The following SLC12A8 variants were observed in gnomAD, a reference collection of about 807,000 sequenced individuals.
The protein encoded by SLC12A8 is cation-chloride cotransporter 9.
A neutral mutation model predicts 75.6 loss-of-function variants in SLC12A8; 69 were observed. That is an observed-to-expected ratio of 0.91 (90% CI 0.75 to 1.11). The LOEUF (loss-of-function observed/expected upper bound fraction) is 1.11, where lower values mean the gene tolerates loss of function less well. SLC12A8 is among the 50% of genes most tolerant of loss of function. SLC12A8 has a pLI of 0.00. For missense variants in SLC12A8, 877 were observed against 896.7 expected, an observed-to-expected ratio of 0.98 and a Z score of 0.28; for synonymous variants, 365 against 372.8, an observed-to-expected ratio of 0.98 and a Z score of 0.24.
At chr3:125,139,365 G>C (rs573843956) in intron 5 of SLC12A8, among the ~76,000 whole-genome samples, 1 of 152,166 alleles carries the variant, frequency 6.6e-6, no homozygotes, top group Non-Finnish European at 1.5e-5. Flanking sequence ...TGGATCTGGT[G>C]GCCCATCCCT....
intron 10 of SLC12A8, among the ~76,000 whole-genome samples, chr3:125,102,322 T>G (rs1386123948): frequency 3.9e-5 from 6 of 152,132 alleles, no homozygotes; most frequent in Non-Finnish European, 8.8e-5. Flanking sequence ...GACATCAGTT[T>G]GGGTGAAAGC....
intron 5 of SLC12A8, among the ~76,000 whole-genome samples, chr3:125,144,457 C>A (rs1465719118): frequency 1.3e-5 from 2 of 152,100 alleles, no homozygotes; most frequent in African/African-American, 4.8e-5. Context: ...GGGACCTGGC[C>A]CCAGCCCAGC....
At chr3:125,182,623 C>G (rs1014916631) in intron 4 of SLC12A8, among the ~76,000 whole-genome samples, 5 of 152,004 alleles carry the variant, frequency 3.3e-5, no homozygotes, top group South Asian at 4.2e-4. Flanking sequence ...TCTCCTGCCT[C>G]AGACTCCCGA....
In SLC12A8 at chr3:125,085,281, G is replaced by C. The variant is rs116126441; in HGVS notation, c.1983-1229C>G. Among the ~76,000 whole-genome samples the C allele has an allele frequency of 1.1e-4, 16 of 152,232 alleles. No individual in the cohort carries two copies. In the East Asian group the frequency reaches 2.9e-3, roughly 28 times the overall value. On this transcript the variant is annotated intron_variant, in intron 13 of 13. Coordinates refer to ENST00000469902, the MANE Select transcript of SLC12A8 (RefSeq NM_024628.6). ...AAACCATTACATTCTTCTGAGTCTG[G>C]AGAAGTAAAATACTTCACTCTCTAG...
chr3:125,103,123 C>G (rs913918213), intron 10 of SLC12A8, among the ~76,000 whole-genome samples: 4 of 152,136 alleles, frequency 2.6e-5, no homozygotes, highest in Non-Finnish European at 5.9e-5. Context: ...AAACTTGGCA[C>G]AGCAGGCACA....
chr3:125,089,688 C>CTTT (rs752856308), intron 12 of SLC12A8, among the ~76,000 whole-genome samples: 3 of 37,280 alleles, frequency 8.0e-5, no homozygotes, highest in Admixed American at 3.0e-4. Context: ...ACCTTTTTCT[C>CTTT]TTTTTTTTTT....
intron 10 of SLC12A8, among the ~76,000 whole-genome samples, chr3:125,093,389 C>T (rs1013098031): frequency 1.9e-4 from 29 of 152,260 alleles, no homozygotes; most frequent in African/African-American, 6.7e-4. Flanking sequence ...TCTGCCCAGC[C>T]CTTCCTTCTT....
rs375807289 is a variant in SLC12A8 at position 125,187,163 on chromosome 3, G to T, written c.390+74C>A. On this transcript the variant is annotated intron_variant, in intron 4 of 13. Transcript: ENST00000469902. Reference sequence around the variant, plus strand: ...TGTCCCCACCCTCGCTTCTCCCCAGGTCAAGTGAGGAAATGGACAAGAAGA... The same window carrying T: ...TGTCCCCACCCTCGCTTCTCCCCAGTTCAAGTGAGGAAATGGACAAGAAGA... The T allele has an allele frequency of 2.7e-3, 4,094 of 1,497,782 alleles. 13 individuals are homozygous for T. The highest frequency in any genetic ancestry group is 2.8e-3 in the Non-Finnish European group (3,055 of 1,082,874). 92.8% of individuals were successfully genotyped at this position (1,497,782 alleles called of 1,614,324 possible).
intron 5 of SLC12A8, among the ~76,000 whole-genome samples, chr3:125,169,728 C>T (rs954469185): frequency 5.3e-5 from 8 of 152,138 alleles, no homozygotes; most frequent in South Asian, 2.1e-4. Flanking sequence ...CCTGCAGAAA[C>T]GAACATTTGG....
intron 2 of SLC12A8, among the ~76,000 whole-genome samples, chr3:125,199,025 T>G (rs368720491): frequency 8.0e-4 from 121 of 152,080 alleles, no homozygotes; most frequent in African/African-American, 2.4e-3. Context: ...TGATCCACCC[T>G]CCTTGGCCTC....
chr3:125,174,484 T>C (rs1340518448), intron 5 of SLC12A8, among the ~76,000 whole-genome samples: 1 of 152,172 alleles, frequency 6.6e-6, no homozygotes, highest in Admixed American at 6.5e-5. Context: ...ATCTAGGTAT[T>C]TATCCAAATG....
At chr3:125,195,129 T>C (rs953781494) in intron 2 of SLC12A8, among the ~76,000 whole-genome samples, 1 of 152,246 alleles carries the variant, frequency 6.6e-6, no homozygotes, top group Admixed American at 6.5e-5. Flanking sequence ...TAAATATACA[T>C]GAGGATTTCT....
chr3:125,209,013 G>A lies in SLC12A8; in HGVS notation c.51+2286C>T, dbSNP rs139033585. ...ACCCACTAGCCTGTCTTCCCACTGG[G>A]CACTGCCTCCTAATCTTGTGTTCTG... On this transcript the variant is annotated intron_variant, in intron 2 of 13. Transcript: ENST00000469902. Among the ~76,000 whole-genome samples, 1,085 of 152,184 alleles carry A rather than the reference G, an allele frequency of 7.1e-3. 7 individuals are homozygous for A. The highest frequency in any genetic ancestry group is 0.011 in the Non-Finnish European group (746 of 68,002).
At chr3:125,124,533 G>T (rs1933148470) in intron 6 of SLC12A8, among the ~76,000 whole-genome samples, 1 of 152,090 alleles carries the variant, frequency 6.6e-6, no homozygotes, top group African/African-American at 2.4e-5. Flanking sequence ...CACCATGTTG[G>T]CCAGGCTGGT....
At chr3:125,098,575 C>G (rs1394201469) in intron 10 of SLC12A8, among the ~76,000 whole-genome samples, 2 of 151,814 alleles carry the variant, frequency 1.3e-5, no homozygotes, top group Non-Finnish European at 2.9e-5. Flanking sequence ...CACACACACA[C>G]ACACACACAC....
chr3:125,137,032 T>C (rs1933509522), intron 5 of SLC12A8, among the ~76,000 whole-genome samples: 1 of 152,060 alleles, frequency 6.6e-6, no homozygotes, highest in Non-Finnish European at 1.5e-5. Flanking sequence ...GTAGGATGGG[T>C]ATTCAGCTGT....
intron 5 of SLC12A8, among the ~76,000 whole-genome samples, chr3:125,174,808 G>A (rs1389997381): frequency 6.6e-6 from 1 of 152,252 alleles, no homozygotes; most frequent in Non-Finnish European, 1.5e-5. Context: ...GTGGTTGCCA[G>A]GAGTTGGGGA....
chr3:125,179,732 A>G (rs1934612610), intron 4 of SLC12A8, among the ~76,000 whole-genome samples: 1 of 144,744 alleles, frequency 6.9e-6, no homozygotes, highest in African/African-American at 2.8e-5. Context: ...AGAGAGAGAG[A>G]AAGAGAAAGA....
chr3:125,095,764 C>A (rs1938696664), intron 10 of SLC12A8, among the ~76,000 whole-genome samples: 1 of 152,206 alleles, frequency 6.6e-6, no homozygotes, highest in African/African-American at 2.4e-5. Flanking sequence ...GAGCCTGGAT[C>A]CCTGAGTGGA....
Sources: gnomAD v4.1 joint callset for allele counts (sites outside exome capture counted in the v4.1 genomes callset) on GRCh38, gnomAD v4.1.1 for gene constraint, MANE v1.5 for transcripts, NCBI Gene and HGNC (gene_info 2026-07-23, HGNC 2026-07-21) for gene names.